The following AK9 variants were observed in gnomAD, a reference collection of about 807,000 sequenced individuals.
AK9 encodes the protein adenylate kinase domain containing 1.
A neutral mutation model predicts 239.6 loss-of-function variants in AK9; 191 were observed. That is an observed-to-expected ratio of 0.80 (90% confidence interval 0.71 to 0.90). AK9 has a LOEUF of 0.90. Among genes scored for constraint, AK9 ranks in the 40% least tolerant of loss-of-function variants. AK9 has a pLI of 0.00. For synonymous variants in AK9, 689 were observed against 721.0 expected (o/e 0.96, Z 0.71); for missense variants, 1,995 against 2,214.7 (o/e 0.90, Z 1.99).
chr6:109,605,614 A>G (rs1792751410), intron 17 of AK9, among the ~76,000 whole-genome samples: 1 of 152,160 alleles, frequency 6.6e-6, no homozygotes, highest in African/African-American at 2.4e-5. Context: ...AGTAAGAAAG[A>G]GAGAAATGAA....
At chr6:109,647,749 T>C (rs534695180) in intron 8 of AK9, among the ~76,000 whole-genome samples, 210 of 152,040 alleles carry the variant, frequency 1.4e-3, no homozygotes, top group Non-Finnish European at 2.5e-3. Flanking sequence ...CTAATAGACA[T>C]CTACAGAACT....
chr6:109,570,979 G>A (rs1237899818), intron 21 of AK9, among the ~76,000 whole-genome samples: 1 of 152,098 alleles, frequency 6.6e-6, no homozygotes, highest in African/African-American at 2.4e-5. Context: ...TCCATGTGTA[G>A]AAGACAATGA....
At chr6:109,667,606 A>T (rs1338509292) in intron 5 of AK9, among the ~76,000 whole-genome samples, 3 of 146,840 alleles carry the variant, frequency 2.0e-5, no homozygotes, top group Non-Finnish European at 4.4e-5. Context: ...CCTGTGTCCA[A>T]GTGTTCTCAT....
At chr6:109,538,033 T>A (rs573483498) in intron 27 of AK9, among the ~76,000 whole-genome samples, 5 of 152,296 alleles carry the variant, frequency 3.3e-5, no homozygotes, top group African/African-American at 1.2e-4. Flanking sequence ...AACTATGTGG[T>A]CAATTTTGGA....
intron 24 of AK9, among the ~76,000 whole-genome samples, chr6:109,556,235 T>A (rs1312777054): frequency 1.3e-5 from 2 of 152,204 alleles, no homozygotes; most frequent in African/African-American, 4.8e-5. Flanking sequence ...CAGCATTTGC[T>A]TGTCTGGAAA....
rs536322775 is a variant in AK9 at position 109,493,557 on chromosome 6, C to G, written c.5548G>C (p.Gly1850Arg). The change falls in exon 41 of 41, where the codon GGT becomes CGT. Residue 1850 changes from glycine to arginine, a missense_variant. Gly to Arg is a moderately radical substitution (Grantham distance 125). This residue lies in a region of AK9 where 391 missense variants were observed against 456.0 expected (regional missense o/e 0.86). Coordinates refer to ENST00000424296, the MANE Select transcript of AK9 (RefSeq NM_001145128.3). ...TACTTTTTTCTTGTGTATTCGGAAC[C>G]TTTGGGATTAAATGCTGTAGAAAAT... ...ALHLKAFNPK[G>R]SEYTRKKYKK... is the part of the protein sequence containing the mutation. 5.6e-6 allele frequency: 9 copies of G among 1,613,260 alleles called. No homozygotes were observed. The South Asian group carries it at 9.9e-5, about 18-fold the overall frequency.
Position 109,503,673 on chromosome 6 carries a change from G to C in AK9, c.4849+2654C>G, listed in dbSNP as rs115847953. Among the ~76,000 whole-genome samples the C allele has an allele frequency of 6.9e-3, 1,047 of 152,338 alleles. 13 individuals are homozygous for C. The highest frequency in any genetic ancestry group is 0.024 in the African/African-American group (1,013 of 41,578). ...ACTTCACTGAGATGAAACTATGTGTGAGAGAGGCAGGCACTGGAATCATGT... is the reference window on the plus strand; with the variant it reads ...ACTTCACTGAGATGAAACTATGTGTCAGAGAGGCAGGCACTGGAATCATGT... On this transcript the variant is annotated intron_variant, in intron 35 of 40. Coordinates refer to ENST00000424296, the MANE Select transcript of AK9 (RefSeq NM_001145128.3).
In AK9 at chr6:109,493,484, T is replaced by C; in HGVS notation, c.5621A>G (p.Tyr1874Cys). Residue 1874 changes from tyrosine to cysteine, a missense_variant, in exon 41 of 41, where the codon TAC becomes TGC. Physicochemically the swap from Tyr to Cys is radical, Grantham distance 194. Around this residue, in one of 5 missense-constraint regions of AK9, gnomAD observed 391 missense variants for 456.0 expected, o/e 0.86. Coordinates refer to ENST00000424296, the MANE Select transcript of AK9 (RefSeq NM_001145128.3). ...TTTTCTGGTCATCTTGGCACCCAAG[T>C]ATGTTATGAGTTCACAACTCTCCAT... ...QFMESCELITYLGAKMTRKYK... is the reference protein window; with the variant it reads ...QFMESCELITCLGAKMTRKYK... The C allele has an allele frequency of 1.2e-6, 2 of 1,614,170 alleles. No individual in the cohort carries two copies. The highest frequency in any genetic ancestry group is 2.2e-5 in the South Asian group (2 of 91,080).
intron 20 of AK9, 83 bp downstream of exon 20, chr6:109,579,467 A>G: frequency 1.5e-6 from 2 of 1,314,680 alleles, no homozygotes; most frequent in Non-Finnish European, 2.1e-6. Flanking sequence ...GTGATCACCC[A>G]GTCTATAATT....
At chr6:109,647,626 A>G (rs1798260300) in intron 8 of AK9, among the ~76,000 whole-genome samples, 1 of 152,232 alleles carries the variant, frequency 6.6e-6, no homozygotes, top group African/African-American at 2.4e-5. Flanking sequence ...TTAGACTCCC[A>G]CACAATAATA....
chr6:109,515,991 T>G lies in AK9; in HGVS notation c.3931A>C (p.Lys1311Gln). The change falls in exon 31 of 41, where the codon AAA (lysine) becomes CAA (glutamine). Residue 1311 changes from lysine (K) to glutamine (Q), a missense_variant. Around this residue, in one of 5 missense-constraint regions of AK9, gnomAD observed 1,290 missense variants for 1,392.7 expected, o/e 0.93. Coordinates refer to ENST00000424296, the MANE Select transcript of AK9 (RefSeq NM_001145128.3). ...NHIVQYTLNM[K>Q]LKPLVENRAS... is the part of the protein sequence containing the mutation. Reference sequence around the variant, plus strand: ...CGATTTTCCACCAGTGGTTTCAGTTTCATATTCAATGTATATTGTACAATG... The same window carrying G: ...CGATTTTCCACCAGTGGTTTCAGTTGCATATTCAATGTATATTGTACAATG... 6.4e-7 allele frequency: 1 copy of G among 1,551,412 alleles called. No individual in the cohort carries two copies. Among genetic ancestry groups the G allele is most frequent in the Non-Finnish European group, 8.7e-7 (1 of 1,146,714 alleles).
At chr6:109,514,112 A>G in intron 32 of AK9, 112 bp downstream of exon 32, 2 of 1,017,730 alleles carry the variant, frequency 2.0e-6, no homozygotes, top group Non-Finnish European at 2.8e-6. Flanking sequence ...CCCTACGATT[A>G]AATGTCTTTT....
chr6:109,580,239 C>T (rs1378433213), intron 19 of AK9, among the ~76,000 whole-genome samples: 1 of 151,848 alleles, frequency 6.6e-6, no homozygotes, highest in African/African-American at 2.4e-5. Context: ...TTAAAGAGAC[C>T]TGGAATATGG....
At chr6:109,497,213 CTCA>C (rs1056638477) in intron 38 of AK9, among the ~76,000 whole-genome samples, 12 of 152,016 alleles carry the variant, frequency 7.9e-5, no homozygotes, top group Admixed American at 1.3e-4. Context: ...GCTACACTCT[CTCA>C]GAAGTCCAGG....
At chr6:109,671,312 C>T (rs1027888856) in intron 5 of AK9, among the ~76,000 whole-genome samples, 1 of 152,158 alleles carries the variant, frequency 6.6e-6, no homozygotes, top group Admixed American at 6.5e-5. Flanking sequence ...TGTCATTATT[C>T]TTCTCCTCTT....
rs778756379 is a variant in AK9, at chr6:109,659,354, T to C, written c.504A>G (p.Gly168=). ...CCCACTGGTCTCTACTGTATATGTATCCCGTATTATTGTGCTGTCTTTGCC... is the reference window on the plus strand; with the variant it reads ...CCCACTGGTCTCTACTGTATATGTACCCCGTATTATTGTGCTGTCTTTGCC... ...ISGQRQHNNT[G]YIYSRDQWDP... Residue 168 remains glycine, a synonymous_variant, in exon 7 of 41, where the codon GGA becomes GGG. Coordinates refer to ENST00000424296, the MANE Select transcript of AK9 (RefSeq NM_001145128.3). 6.2e-7 allele frequency: 1 copy of C among 1,612,408 alleles called. No individual in the cohort carries two copies. Among genetic ancestry groups the C allele is most frequent in the Non-Finnish European group, 8.5e-7 (1 of 1,179,668 alleles).
intron 24 of AK9, among the ~76,000 whole-genome samples, chr6:109,551,446 G>A (rs1784341094): frequency 6.6e-6 from 1 of 150,768 alleles, no homozygotes; most frequent in Non-Finnish European, 1.5e-5. Flanking sequence ...TTGAGTCCGA[G>A]AGGTGGAGGC....
chr6:109,568,509 T>A (rs1333267832), intron 21 of AK9, among the ~76,000 whole-genome samples: 1 of 152,166 alleles, frequency 6.6e-6, no homozygotes, highest in Non-Finnish European at 1.5e-5. Flanking sequence ...GCAAATGACA[T>A]GATTGTATAT....
chr6:109,619,719 A>T (rs538876629), intron 12 of AK9, among the ~76,000 whole-genome samples: 5 of 152,108 alleles, frequency 3.3e-5, no homozygotes, highest in African/African-American at 1.2e-4. Context: ...AGACAGGAGG[A>T]TCCCTTGAGG....
Sources: allele counts gnomAD v4.1 joint callset (sites outside exome capture counted in the v4.1 genomes callset), GRCh38; gene constraint gnomAD v4.1.1; regional missense constraint gnomAD v4.1.1; transcripts MANE v1.5; gene names NCBI Gene and HGNC (gene_info 2026-07-23, HGNC 2026-07-21).